FGGY: variants seen among roughly 807,000 people sequenced by gnomAD.
FGGY encodes the protein FGGY carbohydrate kinase domain containing, also known as FGGY carbohydrate kinase domain-containing protein.
Under a neutral mutation model 71.3 loss-of-function variants are expected in FGGY, and 72 were observed. The ratio of observed to expected loss-of-function variants is 1.01; its 90% CI spans 0.84 to 1.23. The LOEUF is 1.23. Among genes scored for constraint, FGGY ranks in the 50% most tolerant of loss-of-function variants. FGGY has a pLI of 0.00. For missense variants in FGGY, 668 were observed against 682.3 expected, an observed-to-expected ratio of 0.98 and a Z score of 0.23; for synonymous variants, 251 against 250.3, an observed-to-expected ratio of 1.00 and a Z score of -0.02.
chr1:59,329,064 G>C (rs1159632208), intron 2 of FGGY, among the ~76,000 whole-genome samples: 1 of 152,172 alleles, frequency 6.6e-6, no homozygotes. Context: ...TGATAGACTT[G>C]CTCTTTGCAG....
At chr1:59,450,372 T>A (rs568791481) in intron 5 of FGGY, among the ~76,000 whole-genome samples, 6 of 146,200 alleles carry the variant, frequency 4.1e-5, no homozygotes, top group South Asian at 4.1e-4. Context: ...TCAATTTTTT[T>A]AAAGAAATTT....
intron 7 of FGGY, among the ~76,000 whole-genome samples, chr1:59,547,679 C>A (rs1211242616): frequency 1.3e-5 from 2 of 152,180 alleles, no homozygotes; most frequent in African/African-American, 2.4e-5. Context: ...AATCAAGGAT[C>A]TTAGAACCTT....
chr1:59,458,996 G>A (rs2091958056), intron 6 of FGGY, among the ~76,000 whole-genome samples: 1 of 152,158 alleles, frequency 6.6e-6, no homozygotes, highest in African/African-American at 2.4e-5. Context: ...TGGCCTCATT[G>A]CCCGTCAAGA....
At chr1:59,477,488 G>T (rs2093313991) in intron 6 of FGGY, among the ~76,000 whole-genome samples, 1 of 152,158 alleles carries the variant, frequency 6.6e-6, no homozygotes, top group African/African-American at 2.4e-5. Context: ...AAGTTTGCCT[G>T]CTGCTTAGAC....
chr1:59,669,859 C>A (rs2097361834), intron 13 of FGGY, among the ~76,000 whole-genome samples: 1 of 152,156 alleles, frequency 6.6e-6, no homozygotes, highest in Non-Finnish European at 1.5e-5. Flanking sequence ...GCGCTGCAGC[C>A]CTGGACTTTG....
intron 6 of FGGY, among the ~76,000 whole-genome samples, chr1:59,491,374 A>T (rs550958458): frequency 6.6e-6 from 1 of 151,578 alleles, no homozygotes; most frequent in South Asian, 2.1e-4. Flanking sequence ...CTTTCCATTT[A>T]TTTTTATCCT....
intron 4 of FGGY, among the ~76,000 whole-genome samples, chr1:59,355,196 A>G (rs982371871): frequency 6.6e-6 from 1 of 152,190 alleles, no homozygotes; most frequent in African/African-American, 2.4e-5. Flanking sequence ...AAATATTTGT[A>G]TAGCAACAAC....
At chr1:59,604,984 A>G (rs12097087) in intron 8 of FGGY, among the ~76,000 whole-genome samples, 4,749 of 152,320 alleles carry the variant, frequency 0.031, 248 homozygotes, top group African/African-American at 0.11. Flanking sequence ...AGTGGTGAAA[A>G]TAAGTACCAG....
chr1:59,721,217 T>C (rs1052603573), intron 14 of FGGY, among the ~76,000 whole-genome samples: 9 of 152,198 alleles, frequency 5.9e-5, no homozygotes, highest in Non-Finnish European at 1.0e-4. Flanking sequence ...CATGAACTTA[T>C]GTGTTATTTT....
chr1:59,591,124 A>T (rs1366574482), intron 8 of FGGY, among the ~76,000 whole-genome samples: 1 of 151,656 alleles, frequency 6.6e-6, no homozygotes, highest in Non-Finnish European at 1.5e-5. Context: ...CAAAAATCAC[A>T]AGCATTCTTA....
chr1:59,464,101 C>T (rs565565408), intron 6 of FGGY, among the ~76,000 whole-genome samples: 1 of 152,308 alleles, frequency 6.6e-6, no homozygotes, highest in African/African-American at 2.4e-5. Flanking sequence ...CCAAAATTGA[C>T]CACATAGTTG....
intron 14 of FGGY, among the ~76,000 whole-genome samples, chr1:59,750,472 G>C (rs2098235946): frequency 6.6e-6 from 1 of 152,168 alleles, no homozygotes; most frequent in Admixed American, 6.5e-5. Context: ...TTTTGATGAA[G>C]TATACACCCA....
chr1:59,715,810 A>T (rs2097841893), intron 14 of FGGY, among the ~76,000 whole-genome samples: 1 of 152,196 alleles, frequency 6.6e-6, no homozygotes, highest in Non-Finnish European at 1.5e-5. Flanking sequence ...AAGGAAATAG[A>T]TTCTATATTG....
intron 4 of FGGY, among the ~76,000 whole-genome samples, chr1:59,372,430 C>T (rs908246034): frequency 1.3e-5 from 2 of 152,126 alleles, no homozygotes; most frequent in African/African-American, 4.8e-5. Context: ...GCTTACCAAC[C>T]AAAAAGAGTC....
At chr1:59,419,454 G>C (rs951546077) in intron 5 of FGGY, among the ~76,000 whole-genome samples, 2 of 152,164 alleles carry the variant, frequency 1.3e-5, no homozygotes, top group African/African-American at 4.8e-5. Context: ...TGATTTAAAT[G>C]AGTTATGAAG....
At chr1:59,485,430 G>T (rs1392109069) in intron 6 of FGGY, among the ~76,000 whole-genome samples, 3 of 152,160 alleles carry the variant, frequency 2.0e-5, no homozygotes, top group Non-Finnish European at 4.4e-5. Context: ...TAGATTGGCT[G>T]GTCAGGTAGG....
rs555418688 is a variant in FGGY at position 59,606,943 on chromosome 1, G to A, written c.904-860G>A. On this transcript the variant is annotated intron_variant, in intron 8 of 15. Coordinates refer to ENST00000303721, the MANE Select transcript of FGGY (RefSeq NM_018291.5). ...GGAGCTTCTTGAAAGTAAGAACTCT[G>A]ATTCATCTTTGTGTCCCCAGCACCC... Among the ~76,000 whole-genome samples the A allele has an allele frequency of 1.4e-4, 21 of 152,240 alleles. No homozygotes were observed. In the South Asian group the frequency reaches 4.4e-3, roughly 32 times the overall value.
chr1:59,552,455 G>A (rs2095622336), intron 7 of FGGY, among the ~76,000 whole-genome samples: 3 of 152,180 alleles, frequency 2.0e-5, no homozygotes, highest in African/African-American at 7.2e-5. Context: ...AGATTCACAG[G>A]TTGCTGTGCC....
At chr1:59,308,687 C>T (rs908885781) in intron 1 of FGGY, among the ~76,000 whole-genome samples, 1 of 152,128 alleles carries the variant, frequency 6.6e-6, no homozygotes, top group African/African-American at 2.4e-5. Flanking sequence ...ACCAAGTTCC[C>T]TGGTGATACT....
Sources: gnomAD v4.1 joint callset for allele counts (sites outside exome capture counted in the v4.1 genomes callset) on GRCh38, gnomAD v4.1.1 for gene constraint, MANE v1.5 for transcripts, NCBI Gene and HGNC (gene_info 2026-07-23, HGNC 2026-07-21) for gene names.